The following COL6A6 variants were observed in gnomAD, a reference collection of about 807,000 sequenced individuals.
COL6A6 encodes the protein collagen alpha-6(VI) chain.
COL6A6 carries 183 observed loss-of-function variants against 208.6 expected under a neutral mutation model. The observed-to-expected ratio is 0.88, with a 90% CI of 0.78 to 0.99. The LOEUF (loss-of-function observed/expected upper bound fraction) is 0.99. Ranked by LOEUF, COL6A6 falls within the 50% of genes least tolerant of loss-of-function variation. COL6A6 has a pLI of 0.00. For synonymous variants in COL6A6, 973 were observed against 1,011.8 expected, an observed-to-expected ratio of 0.96 and a Z score of 0.73; for missense variants, 2,816 against 2,815.2, an observed-to-expected ratio of 1.00 and a Z score of -0.01.
chr3:130,523,551 G>T (rs1385447530), intron 1 of COL6A6, among the ~76,000 whole-genome samples: 1 of 152,194 alleles, frequency 6.6e-6, no homozygotes, highest in East Asian at 1.9e-4. Context: ...CAGGGTGATT[G>T]AGAGGAGTTG....
intron 2 of COL6A6, 77 bp from the exon 3 acceptor site, chr3:130,562,991 C>A: frequency 9.7e-7 from 1 of 1,033,504 alleles, no homozygotes; most frequent in Non-Finnish European, 1.4e-6. Context: ...AGTACTTCCC[C>A]GCCATAGAGT....
chr3:130,642,410 T>C (rs1423331353), intron 29 of COL6A6, among the ~76,000 whole-genome samples: 1 of 152,132 alleles, frequency 6.6e-6, no homozygotes, highest in African/African-American at 2.4e-5. Flanking sequence ...GTTCAGTGGC[T>C]CAGTCAAAGA....
intron 1 of COL6A6, among the ~76,000 whole-genome samples, chr3:130,547,101 G>A (rs1261783868): frequency 6.6e-6 from 1 of 152,262 alleles, no homozygotes; most frequent in Admixed American, 6.5e-5. Context: ...GCGACCTGGC[G>A]CCACAGAGCA....
chr3:130,641,333 G>A (rs1313280683), intron 28 of COL6A6, among the ~76,000 whole-genome samples: 2 of 151,938 alleles, frequency 1.3e-5, no homozygotes, highest in African/African-American at 4.8e-5. Flanking sequence ...AACTGAAAAT[G>A]TCCAGAGATA....
At chr3:130,559,389 G>A (rs1219434668) in intron 1 of COL6A6, among the ~76,000 whole-genome samples, 1 of 152,200 alleles carries the variant, frequency 6.6e-6, no homozygotes, top group East Asian at 1.9e-4. Context: ...GTTGCAGAAT[G>A]TCAGAAGGAC....
In COL6A6 at chr3:130,567,275, G is replaced by A. The variant is rs374692654; in HGVS notation, c.1843+13G>A. The A allele has an allele frequency of 4.2e-5, 66 of 1,583,476 alleles. No homozygotes were observed. Among genetic ancestry groups the A allele is most frequent in the African/African-American group, 2.3e-4 (17 of 74,070 alleles). ...TGTACTGAAGAAGGTAAGAGAAATCGTGGCTTTACCTACTGACCTTCACTC... is the reference window on the plus strand; with the variant it reads ...TGTACTGAAGAAGGTAAGAGAAATCATGGCTTTACCTACTGACCTTCACTC... On this transcript the variant is annotated intron_variant, in intron 5 of 36. Coordinates refer to ENST00000358511, the MANE Select transcript of COL6A6 (RefSeq NM_001102608.3).
chr3:130,583,971 G>GA (rs1450879784), intron 10 of COL6A6, among the ~76,000 whole-genome samples: 1 of 152,040 alleles, frequency 6.6e-6, no homozygotes. Flanking sequence ...AGGAGACAAG[G>GA]AAAAAACAAT....
intron 7 of COL6A6, among the ~76,000 whole-genome samples, chr3:130,572,965 G>T (rs57925079): frequency 0.033 from 5,045 of 152,246 alleles, 302 homozygotes; most frequent in African/African-American, 0.12. Context: ...ATTGGCAGTG[G>T]TCTCTCATGT....
chr3:130,561,634 C>CTTTTTTT (rs398052265), intron 2 of COL6A6, among the ~76,000 whole-genome samples: 5 of 75,974 alleles, frequency 6.6e-5, no homozygotes, highest in African/African-American at 2.9e-4. Flanking sequence ...GTTGAATCTA[C>CTTTTTTT]TTTTTTTTTT....
chr3:130,521,135 T>C (rs1711047187), intron 1 of COL6A6, among the ~76,000 whole-genome samples: 1 of 152,204 alleles, frequency 6.6e-6, no homozygotes, highest in Non-Finnish European at 1.5e-5. Context: ...AAAATATTTT[T>C]GTATTGCTCT....
At chr3:130,637,949 T>C (rs1171466323) in intron 28 of COL6A6, among the ~76,000 whole-genome samples, 1 of 152,090 alleles carries the variant, frequency 6.6e-6, no homozygotes, top group Non-Finnish European at 1.5e-5. Flanking sequence ...AGAATGTTTA[T>C]CCACATCCTT....
At position 130,608,763 on chromosome 3, in the gene COL6A6, C is replaced by CCTTT; in HGVS notation, c.4690-139_4690-138insCTTT. The CCTTT allele has an allele frequency of 8.4e-5, 26 of 308,646 alleles. 1 individual carries two copies. Among genetic ancestry groups the CCTTT allele is most frequent in the South Asian group, 6.1e-4 (17 of 27,910 alleles). 19.1% of individuals were successfully genotyped at this position (308,646 alleles called of 1,614,324 possible). ...CTTTGTATTTGCATTTATTTTTCAC[C>CCTTT]TTTTTTTTTTTTTTTTTTTTTTTTT... is the stretch of plus-strand genomic sequence containing the variant. On this transcript the variant is annotated intron_variant, in intron 21 of 36. Coordinates refer to ENST00000358511, the MANE Select transcript of COL6A6 (RefSeq NM_001102608.3).
chr3:130,653,202 T>G (rs1338389132), intron 33 of COL6A6, among the ~76,000 whole-genome samples: 1 of 152,222 alleles, frequency 6.6e-6, no homozygotes, highest in Non-Finnish European at 1.5e-5. Context: ...TAATCTAGGG[T>G]GAATCTCCCT....
intron 28 of COL6A6, among the ~76,000 whole-genome samples, chr3:130,641,113 A>G (rs1239762473): frequency 1.3e-5 from 2 of 151,920 alleles, no homozygotes; most frequent in Non-Finnish European, 2.9e-5. Context: ...TTCACCTGGT[A>G]TGGAAGAAGC....
intron 24 of COL6A6, among the ~76,000 whole-genome samples, chr3:130,625,880 C>A (rs1009527591): frequency 1.3e-5 from 2 of 152,168 alleles, no homozygotes; most frequent in African/African-American, 2.4e-5. Context: ...CATACAGGAA[C>A]TTTCCATATT....
At chr3:130,675,115 CAATT>C in intron 36 of COL6A6, 83 bp from the exon 37 acceptor site, 1 of 867,672 alleles carries the variant, frequency 1.2e-6, no homozygotes, top group East Asian at 2.9e-5. Flanking sequence ...ATGGGTGAAA[CAATT>C]AATTTACTAT....
chr3:130,541,145 G>A (rs754156885), intron 1 of COL6A6, among the ~76,000 whole-genome samples: 2 of 152,140 alleles, frequency 1.3e-5, no homozygotes, highest in Non-Finnish European at 2.9e-5. Flanking sequence ...TAAAACGTGG[G>A]CAAAGGACAT....
At chr3:130,645,137 C>G (rs2108381775) in intron 32 of COL6A6, 135 bp downstream of exon 32, 1 of 814,734 alleles carries the variant, frequency 1.2e-6, no homozygotes, top group South Asian at 1.4e-5. Flanking sequence ...CTGCCTCATA[C>G]TGGTAGCAGA....
chr3:130,604,791 T>C (rs141407726), intron 20 of COL6A6, among the ~76,000 whole-genome samples: 122 of 152,354 alleles, frequency 8.0e-4, no homozygotes, highest in African/African-American at 2.7e-3. Flanking sequence ...TTTGAAACAT[T>C]GCGACAGCAA....
Sources: allele counts gnomAD v4.1 joint callset (sites outside exome capture counted in the v4.1 genomes callset), GRCh38; gene constraint gnomAD v4.1.1; transcripts MANE v1.5; gene names NCBI Gene and HGNC (gene_info 2026-07-23, HGNC 2026-07-21).